Variants in DIAPH2 observed in about 807,000 individuals in gnomAD.
The protein encoded by DIAPH2 is diaphanous related formin 2.
In DIAPH2, 35 loss-of-function variants were observed where a neutral mutation model predicts 92.7. The observed-to-expected ratio is 0.38, with a 90% CI of 0.29 to 0.50. The LOEUF is 0.50. Ranked by LOEUF, DIAPH2 falls within the 20% of genes least tolerant of loss-of-function variation. The probability of loss-of-function intolerance (pLI) is 0.94; values close to 1 mark genes in which losing one functional copy is unlikely to be tolerated. For synonymous variants in DIAPH2, 301 were observed against 280.4 expected, an observed-to-expected ratio of 1.07 and a Z score of -0.73; for missense variants, 701 against 819.5, an observed-to-expected ratio of 0.86 and a Z score of 1.77.
chrX:96,919,723 G>C lies in DIAPH2; in HGVS notation c.978+1106G>C, dbSNP rs748486822. ...GAAACGGCATCAGATAGATGAATTG[G>C]CTTGTCTAAAGAGAATCTGTAATGT... On this transcript the variant is annotated intron_variant, in intron 9 of 26. Coordinates refer to ENST00000324765, the MANE Select transcript of DIAPH2 (RefSeq NM_006729.5). Among the ~76,000 whole-genome samples the C allele has an allele frequency of 7.2e-5, 8 of 110,777 alleles. No homozygotes were observed. In the East Asian group the frequency reaches 2.2e-3, roughly 31 times the overall value.
At chrX:97,322,617 A>G (rs143794667) in intron 23 of DIAPH2, among the ~76,000 whole-genome samples, 1,285 of 111,469 alleles carry the variant, frequency 0.012, 20 homozygotes, top group African/African-American at 0.04. Context: ...CACTGGTTTA[A>G]TATGTACAGT....
intron 25 of DIAPH2, among the ~76,000 whole-genome samples, chrX:97,399,226 G>A (rs993689003): frequency 2.8e-5 from 3 of 108,707 alleles, no homozygotes; most frequent in Admixed American, 1.9e-4. Flanking sequence ...TGTTTGTTTT[G>A]TTTGTTGTCA....
intron 20 of DIAPH2, among the ~76,000 whole-genome samples, chrX:97,106,707 G>A (rs2066943633): frequency 9.0e-6 from 1 of 111,272 alleles, no homozygotes; most frequent in South Asian, 3.9e-4. Context: ...GCTGAGGCGG[G>A]TGGATCACGA....
intron 23 of DIAPH2, among the ~76,000 whole-genome samples, chrX:97,335,052 A>G (rs893212162): frequency 9.4e-6 from 1 of 106,444 alleles, no homozygotes; most frequent in Admixed American, 1.0e-4. Context: ...TGCTGGTTTA[A>G]AACAGTTTTG....
intron 10 of DIAPH2, among the ~76,000 whole-genome samples, chrX:96,935,615 A>G (rs924529784): frequency 9.0e-6 from 1 of 111,464 alleles, no homozygotes; most frequent in African/African-American, 3.3e-5. Context: ...TTTATAAAAT[A>G]CTGCATTTAC....
At chrX:97,149,462 T>G (rs909471360) in intron 22 of DIAPH2, among the ~76,000 whole-genome samples, 2 of 110,588 alleles carry the variant, frequency 1.8e-5, no homozygotes, top group African/African-American at 6.6e-5. Context: ...CCGGGCGCGG[T>G]GGCTCACGCC....
At chrX:97,100,631 A>G (rs774236160) in intron 20 of DIAPH2, among the ~76,000 whole-genome samples, 11 of 112,085 alleles carry the variant, frequency 9.8e-5, no homozygotes, top group African/African-American at 3.2e-4. Context: ...TATGGTCACC[A>G]ACTTTACCCT....
Position 96,939,857 on chromosome X carries a change from G to T in DIAPH2, c.1325+475G>T, listed in dbSNP as rs1371714283. Among the ~76,000 whole-genome samples, 6 of 85,031 alleles carry T rather than the reference G, an allele frequency of 7.1e-5. No homozygotes were observed. In the South Asian group the frequency reaches 1.8e-3, roughly 25 times the overall value. 73.8% of individuals were successfully genotyped at this position (85,031 alleles called of 115,157 possible). A position where few individuals can be genotyped will look rare whatever the true frequency, so the allele number is the denominator to read the frequency against. On this transcript the variant is annotated intron_variant, in intron 12 of 26. Coordinates refer to ENST00000324765, the MANE Select transcript of DIAPH2 (RefSeq NM_006729.5). ...TTTTTGTATTTTTAGTAGAGACGGG[G>T]TTTCACCGTGTTAGCCAGGATGGTC...
At chrX:96,939,619 TACAC>T (rs763279889) in intron 12 of DIAPH2, among the ~76,000 whole-genome samples, 4 of 57,634 alleles carry the variant, frequency 6.9e-5, no homozygotes, top group East Asian at 5.0e-4. Flanking sequence ...CACACACATA[TACAC>T]ACACACACAC....
intron 1 of DIAPH2, among the ~76,000 whole-genome samples, chrX:96,715,380 A>T (rs1446480726): frequency 2.7e-5 from 3 of 111,781 alleles, no homozygotes; most frequent in African/African-American, 9.7e-5. Context: ...GCAGGTTTTC[A>T]ACTCAGGGCA....
intron 5 of DIAPH2, among the ~76,000 whole-genome samples, chrX:96,907,395 C>T (rs2065440274): frequency 8.9e-6 from 1 of 112,262 alleles, no homozygotes; most frequent in Admixed American, 9.5e-5. Context: ...ATAAACCGTT[C>T]TGTAACACCA....
intron 23 of DIAPH2, among the ~76,000 whole-genome samples, chrX:97,286,891 C>T (rs918807144): frequency 1.8e-5 from 2 of 111,350 alleles, no homozygotes; most frequent in Non-Finnish European, 3.8e-5. Flanking sequence ...CCCTTCACTT[C>T]GCTCAACTTG....
intron 22 of DIAPH2, among the ~76,000 whole-genome samples, chrX:97,227,115 A>G (rs2067971437): frequency 1.8e-5 from 2 of 110,518 alleles, no homozygotes; most frequent in African/African-American, 6.6e-5. Flanking sequence ...TACTAAAAGT[A>G]TTTTTAAAAA....
intron 26 of DIAPH2, among the ~76,000 whole-genome samples, chrX:97,432,839 T>C (rs2070141860): frequency 9.0e-6 from 1 of 110,631 alleles, no homozygotes; most frequent in Admixed American, 9.7e-5. Context: ...CCCAGGCTGG[T>C]CTCGAACTCC....
At chrX:97,070,154 A>G (rs944660984) in intron 17 of DIAPH2, among the ~76,000 whole-genome samples, 1 of 111,115 alleles carries the variant, frequency 9.0e-6, no homozygotes, top group Non-Finnish European at 1.9e-5. Flanking sequence ...CAATTTACAC[A>G]CTCAAATTAA....
At chrX:97,216,256 A>G (rs975718405) in intron 22 of DIAPH2, among the ~76,000 whole-genome samples, 1 of 111,917 alleles carries the variant, frequency 8.9e-6, no homozygotes, top group Non-Finnish European at 1.9e-5. Flanking sequence ...GGAGTGTCAT[A>G]TGGATTATAC....
chrX:97,379,052 C>T (rs977569371), intron 24 of DIAPH2, among the ~76,000 whole-genome samples: 1 of 111,683 alleles, frequency 9.0e-6, no homozygotes, highest in Non-Finnish European at 1.9e-5. Flanking sequence ...ACTATATTCA[C>T]GCGGGTAACC....
chrX:96,730,971 C>T (rs903467783), intron 1 of DIAPH2, among the ~76,000 whole-genome samples: 4 of 110,579 alleles, frequency 3.6e-5, no homozygotes, highest in Admixed American at 2.9e-4. Context: ...GGTTCTCTGG[C>T]GGGCAGGAGT....
rs957047615 is a variant in DIAPH2, at chrX:96,787,302, G to A, written c.447+29044G>A. 2.7e-5 allele frequency among the ~76,000 whole-genome samples: 3 copies of A among 111,299 alleles called. No homozygotes were observed. In the Admixed American group the frequency reaches 2.9e-4, roughly 11 times the overall value. On this transcript the variant is annotated intron_variant, in intron 4 of 26. Coordinates refer to ENST00000324765, the MANE Select transcript of DIAPH2 (RefSeq NM_006729.5). Reference sequence around the variant, plus strand: ...TTTCAGGTAATTTAAATCTCAGTGGGAACCAATAAATGGATTTTGAACTAA... The same window carrying A: ...TTTCAGGTAATTTAAATCTCAGTGGAAACCAATAAATGGATTTTGAACTAA...
Sources: allele counts gnomAD v4.1 joint callset (sites outside exome capture counted in the v4.1 genomes callset), GRCh38; gene constraint gnomAD v4.1.1; transcripts MANE v1.5; gene names NCBI Gene and HGNC (gene_info 2026-07-23, HGNC 2026-07-21).